The following ST6GAL1 variants were observed in gnomAD, a reference collection of about 807,000 sequenced individuals.
ST6GAL1 encodes the protein ST6 beta-galactoside alpha-2,6-sialyltransferase 1.
A neutral mutation model predicts 38.0 loss-of-function variants in ST6GAL1; 20 were observed. That is an observed-to-expected ratio of 0.53 (90% CI 0.37 to 0.77). ST6GAL1 has a LOEUF of 0.77. Among genes scored for constraint, ST6GAL1 ranks in the 30% least tolerant of loss-of-function variants. The pLI is 0.00. For missense variants in ST6GAL1, 432 were observed against 496.4 expected, an observed-to-expected ratio of 0.87 and a Z score of 1.23; for synonymous variants, 196 against 188.2, an observed-to-expected ratio of 1.04 and a Z score of -0.34.
chr3:186,948,733 G>A (rs1195571361), intron 1 of ST6GAL1: 1 of 152,492 alleles, frequency 6.6e-6, no homozygotes, highest in Non-Finnish European at 1.5e-5. Flanking sequence ...CAAATTCATG[G>A]CCCACAAAGG....
At chr3:187,063,330 A>G (rs1020473677) in intron 5 of ST6GAL1, among the ~76,000 whole-genome samples, 4 of 152,154 alleles carry the variant, frequency 2.6e-5, no homozygotes, top group Non-Finnish European at 2.9e-5. Context: ...GAGGGCTTCT[A>G]TTTTCTCTGC....
intron 4 of ST6GAL1, among the ~76,000 whole-genome samples, chr3:187,047,273 T>A (rs1718334339): frequency 6.6e-6 from 1 of 151,692 alleles, no homozygotes; most frequent in Admixed American, 6.6e-5. Context: ...TTTTTAACTC[T>A]GATCTATAGT....
intron 4 of ST6GAL1, among the ~76,000 whole-genome samples, 159 bp from the exon 5 acceptor site, chr3:187,051,090 T>A (rs1718497246): frequency 6.6e-6 from 1 of 152,218 alleles, no homozygotes; most frequent in South Asian, 2.1e-4. Flanking sequence ...GAGCTTTACC[T>A]GAGCACCACA....
At chr3:186,959,894 G>T (rs1028962794) in intron 1 of ST6GAL1, among the ~76,000 whole-genome samples, 6 of 152,212 alleles carry the variant, frequency 3.9e-5, no homozygotes, top group African/African-American at 1.4e-4. Flanking sequence ...GGGTTAAAAG[G>T]GTTATCTCAC....
chr3:187,074,115 C>G, intron 6 of ST6GAL1, 44 bp from the exon 7 acceptor site: 1 of 1,538,258 alleles, frequency 6.5e-7, no homozygotes, highest in Non-Finnish European at 8.8e-7. Context: ...GAGCAGCTCA[C>G]TGGCCCATTT....
chr3:187,023,451 T>C (rs1011562210), intron 2 of ST6GAL1, among the ~76,000 whole-genome samples: 20 of 152,332 alleles, frequency 1.3e-4, no homozygotes, highest in Non-Finnish European at 2.9e-4. Context: ...AATCAGCATT[T>C]GCTGAAAGAA....
chr3:187,070,424 CTTTTTTTTTTT>C (rs34389560), intron 5 of ST6GAL1, among the ~76,000 whole-genome samples: 1 of 99,130 alleles, frequency 1.0e-5, no homozygotes, highest in African/African-American at 4.5e-5. Context: ...AACACTTGCT[CTTTTTTTTTTT>C]TTTTTTTTTC....
intron 4 of ST6GAL1, among the ~76,000 whole-genome samples, chr3:187,046,267 C>G (rs537370798): frequency 6.6e-6 from 1 of 152,298 alleles, no homozygotes; most frequent in African/African-American, 2.4e-5. Context: ...GAGGCAGGAG[C>G]CAGGATGTCT....
intron 2 of ST6GAL1, chr3:186,996,729 ATGTTTTCTTTG>A (rs1716422709): frequency 6.6e-6 from 1 of 152,036 alleles, no homozygotes; most frequent in African/African-American, 2.4e-5. Flanking sequence ...TCATACCCTG[ATGTTTTCTTTG>A]CATGACGTGC....
chr3:187,074,184 T>G lies in ST6GAL1; in HGVS notation c.830T>G (p.Phe277Cys), dbSNP rs765918670. 6.2e-7 allele frequency: 1 copy of G among 1,607,582 alleles called. No individual in the cohort carries two copies. The highest frequency in any genetic ancestry group is 2.2e-5 in the East Asian group (1 of 44,606). ...PKWYQNPDYN[F>C]FNNYKTYRKL... is the part of the protein sequence containing the mutation. ...TGGTACCAGAATCCGGATTATAATT[T>G]CTTTAACAACTACAAGACTTATCGT... The change falls in exon 7 of 8, where the codon TTC becomes TGC. Residue 277 changes from phenylalanine (F) to cysteine (C), a missense_variant. Transcript: ENST00000169298.
chr3:186,978,243 T>C (rs1325787340), intron 2 of ST6GAL1, among the ~76,000 whole-genome samples: 1 of 151,680 alleles, frequency 6.6e-6, no homozygotes, highest in Non-Finnish European at 1.5e-5. Flanking sequence ...GAAAAAACAG[T>C]CTCAGAGAGG....
At chr3:187,000,034 C>T (rs1488586072) in intron 2 of ST6GAL1, among the ~76,000 whole-genome samples, 1 of 151,656 alleles carries the variant, frequency 6.6e-6, no homozygotes, top group African/African-American at 2.4e-5. Flanking sequence ...AGTATGTTGG[C>T]CAGACGGATC....
At chr3:187,005,771 G>A (rs1286105687) in intron 2 of ST6GAL1, among the ~76,000 whole-genome samples, 1 of 152,090 alleles carries the variant, frequency 6.6e-6, no homozygotes, top group Non-Finnish European at 1.5e-5. Flanking sequence ...CTGGTGTATC[G>A]AGGGAGAGAG....
At chr3:186,963,047 T>C (rs1714985065) in intron 1 of ST6GAL1, among the ~76,000 whole-genome samples, 1 of 152,218 alleles carries the variant, frequency 6.6e-6, no homozygotes, top group Admixed American at 6.5e-5. Context: ...TTTTGTCTTT[T>C]TCATTTAATT....
At chr3:187,055,669 G>A (rs1274354663) in intron 5 of ST6GAL1, among the ~76,000 whole-genome samples, 2 of 152,176 alleles carry the variant, frequency 1.3e-5, no homozygotes, top group Non-Finnish European at 2.9e-5. Flanking sequence ...TGGTCTGAGA[G>A]ACAGTTTGTT....
rs544843239 is a variant in ST6GAL1, at chr3:187,041,522, G to A, written c.-50-1132G>A. On this transcript the variant is annotated intron_variant, in intron 3 of 7. Coordinates refer to ENST00000169298, the MANE Select transcript of ST6GAL1 (RefSeq NM_173216.2). ...CAATAAATTCTGAGAAAACAAAGTA[G>A]GTGTTTACTCAGAAATAAAGAGACT... Among the ~76,000 whole-genome samples the A allele has an allele frequency of 1.1e-4, 17 of 152,318 alleles. No individual in the cohort carries two copies. In the South Asian group the frequency reaches 3.3e-3, roughly 30 times the overall value.
At chr3:186,946,977 C>G (rs115557231) in intron 1 of ST6GAL1, among the ~76,000 whole-genome samples, 3 of 152,012 alleles carry the variant, frequency 2.0e-5, no homozygotes, top group Non-Finnish European at 4.4e-5. Flanking sequence ...CCCAGGAGAC[C>G]GATGGAGTTT....
intron 2 of ST6GAL1, among the ~76,000 whole-genome samples, chr3:187,034,464 G>T (rs376590065): frequency 6.6e-6 from 1 of 151,992 alleles, no homozygotes; most frequent in African/African-American, 2.4e-5. Flanking sequence ...AAAGAAAACC[G>T]CAGGCCAATA....
chr3:186,932,145 G>C (rs899211031), intron 1 of ST6GAL1, among the ~76,000 whole-genome samples: 1 of 152,218 alleles, frequency 6.6e-6, no homozygotes, highest in African/African-American at 2.4e-5. Context: ...CTGTCCCCGG[G>C]GGGGGAACTG....
Sources: gnomAD v4.1 joint callset for allele counts (sites outside exome capture counted in the v4.1 genomes callset) on GRCh38, gnomAD v4.1.1 for gene constraint, MANE v1.5 for transcripts, NCBI Gene and HGNC (gene_info 2026-07-23, HGNC 2026-07-21) for gene names.